The following TRPM3 variants were observed in gnomAD, a reference collection of about 807,000 sequenced individuals.
TRPM3 encodes the protein long transient receptor potential channel 3.
TRPM3 carries 77 observed loss-of-function variants against 181.2 expected under a neutral mutation model. That is an observed-to-expected ratio of 0.42 (90% CI 0.35 to 0.51). The LOEUF is 0.51. TRPM3 is among the 20% of genes least tolerant of loss of function. TRPM3 has a pLI of 0.01. For missense variants in TRPM3, 1,759 were observed against 2,196.7 expected, an observed-to-expected ratio of 0.80 and a Z score of 3.98; for synonymous variants, 745 against 796.4, an observed-to-expected ratio of 0.94 and a Z score of 1.09.
At chr9:70,854,137 G>T (rs565913109) in intron 3 of TRPM3, among the ~76,000 whole-genome samples, 1 of 152,274 alleles carries the variant, frequency 6.6e-6, no homozygotes, top group South Asian at 2.1e-4. Context: ...AGCTATTTTG[G>T]TTGTCAAGAT....
chr9:71,290,080 A>G (rs1163229341), intron 1 of TRPM3, among the ~76,000 whole-genome samples: 1 of 151,674 alleles, frequency 6.6e-6, no homozygotes, highest in African/African-American at 2.4e-5. Context: ...AAAAAGTACA[A>G]AAAAAGGAGA....
chr9:70,664,668 T>TTTTA (rs2061596628), intron 9 of TRPM3, among the ~76,000 whole-genome samples: 2 of 107,052 alleles, frequency 1.9e-5, no homozygotes, highest in African/African-American at 3.2e-5. Context: ...TTTTTTTTTT[T>TTTTA]GAGACTGAGT....
intron 1 of TRPM3, among the ~76,000 whole-genome samples, chr9:71,131,532 T>C (rs956914260): frequency 6.6e-6 from 1 of 152,232 alleles, no homozygotes; most frequent in African/African-American, 2.4e-5. Context: ...TTGTTGACTA[T>C]AGAATGAACA....
chr9:71,337,564 C>A (rs1040142967), intron 1 of TRPM3, among the ~76,000 whole-genome samples: 2 of 152,162 alleles, frequency 1.3e-5, no homozygotes, highest in African/African-American at 4.8e-5. Flanking sequence ...TTTTACCCAG[C>A]AATTCCATTA....
At chr9:70,619,366 A>T (rs750613889) in intron 16 of TRPM3, among the ~76,000 whole-genome samples, 12 of 147,884 alleles carry the variant, frequency 8.1e-5, no homozygotes, top group Non-Finnish European at 1.6e-4. Flanking sequence ...TAGGAGGTGG[A>T]GCAAGCAATC....
At chr9:70,891,462 C>T (rs1026418955) in intron 1 of TRPM3, among the ~76,000 whole-genome samples, 1 of 152,104 alleles carries the variant, frequency 6.6e-6, no homozygotes, top group African/African-American at 2.4e-5. Flanking sequence ...GCTTTTAGAG[C>T]TGAAAGCAGA....
chr9:70,978,928 T>C (rs984327425), intron 1 of TRPM3, among the ~76,000 whole-genome samples: 2 of 152,148 alleles, frequency 1.3e-5, no homozygotes, highest in African/African-American at 4.8e-5. Context: ...GAGAGAAGCA[T>C]GCTAAAAAGA....
intron 6 of TRPM3, among the ~76,000 whole-genome samples, chr9:70,792,340 C>T (rs964631853): frequency 6.6e-6 from 1 of 151,492 alleles, no homozygotes; most frequent in Non-Finnish European, 1.5e-5. Flanking sequence ...GGAAGGTAAG[C>T]CAATGAACAA....
At chr9:70,870,998 A>G (rs1396782350) in intron 1 of TRPM3, among the ~76,000 whole-genome samples, 1 of 151,970 alleles carries the variant, frequency 6.6e-6, no homozygotes, top group Non-Finnish European at 1.5e-5. Flanking sequence ...GTTATTACGG[A>G]TGAGTATCTC....
chr9:71,183,774 T>C (rs1329766), intron 1 of TRPM3, among the ~76,000 whole-genome samples: 147,726 of 152,130 alleles, frequency 0.97, 71,819 homozygotes, highest in East Asian at 1. Context: ...TCTCATTTTC[T>C]TCAATTCTTT....
chr9:70,674,022 T>C (rs1206693697), intron 9 of TRPM3, among the ~76,000 whole-genome samples: 1 of 151,770 alleles, frequency 6.6e-6, no homozygotes, highest in African/African-American at 2.4e-5. Flanking sequence ...GTCTCTTTTA[T>C]TGGCCTTATG....
At chr9:70,835,989 T>C (rs1244690279) in intron 5 of TRPM3, among the ~76,000 whole-genome samples, 1 of 152,170 alleles carries the variant, frequency 6.6e-6, no homozygotes, top group Non-Finnish European at 1.5e-5. Context: ...AATGAGTTTA[T>C]CTATGTAAAA....
At position 71,059,668 on chromosome 9, in the gene TRPM3, C is replaced by A. The variant is rs927070592; in HGVS notation, c.177+61510G>T. On this transcript the variant is annotated intron_variant, in intron 1 of 25. Transcript: ENST00000677713. ...TGGGACTTATCCAATCAAGTGAAGG[C>A]CTTCAAAGCAAAAACTGTTTCCCTG... Among the ~76,000 whole-genome samples the A allele has an allele frequency of 3.9e-5, 6 of 152,026 alleles. No homozygotes were observed. The East Asian group carries it at 7.7e-4, about 20-fold the overall frequency.
intron 1 of TRPM3, among the ~76,000 whole-genome samples, chr9:71,395,910 G>T (rs1032843527): frequency 6.6e-6 from 1 of 152,168 alleles, no homozygotes; most frequent in Non-Finnish European, 1.5e-5. Context: ...TACTGGGTAT[G>T]AATTTGGGGA....
intron 1 of TRPM3, among the ~76,000 whole-genome samples, chr9:71,364,842 A>G (rs938370052): frequency 6.6e-6 from 1 of 152,258 alleles, no homozygotes; most frequent in Non-Finnish European, 1.5e-5. Flanking sequence ...TTACTGATAC[A>G]CAAGAATACA....
intron 1 of TRPM3, among the ~76,000 whole-genome samples, chr9:71,114,073 T>C (rs935136136): frequency 3.3e-5 from 5 of 152,218 alleles, no homozygotes; most frequent in African/African-American, 1.2e-4. Flanking sequence ...CAATTCAATA[T>C]GTAAAATGTA....
intron 1 of TRPM3, among the ~76,000 whole-genome samples, chr9:70,992,152 C>T (rs2097493006): frequency 6.6e-6 from 1 of 152,166 alleles, no homozygotes; most frequent in Non-Finnish European, 1.5e-5. Flanking sequence ...GCTCCTTGTA[C>T]CACTTGTGCT....
At chr9:71,199,485 T>A (rs2078631697) in intron 1 of TRPM3, among the ~76,000 whole-genome samples, 1 of 152,112 alleles carries the variant, frequency 6.6e-6, no homozygotes, top group Non-Finnish European at 1.5e-5. Flanking sequence ...AGAATTCGGC[T>A]GTGAATCCAT....
intron 1 of TRPM3, among the ~76,000 whole-genome samples, chr9:71,183,572 T>C (rs891464310): frequency 1.4e-4 from 21 of 152,148 alleles, no homozygotes; most frequent in African/African-American, 5.1e-4. Context: ...CCTATTCTTT[T>C]CCAAGCTTTA....
Sources: gnomAD v4.1 joint callset for allele counts (sites outside exome capture counted in the v4.1 genomes callset) on GRCh38, gnomAD v4.1.1 for gene constraint, MANE v1.5 for transcripts, NCBI Gene and HGNC (gene_info 2026-07-23, HGNC 2026-07-21) for gene names.